Variants in MRI1 observed in about 807,000 individuals in gnomAD.
MRI1 encodes methylthioribose-1-phosphate isomerase.
Under a neutral mutation model 27.3 loss-of-function variants are expected in MRI1, and 32 were observed. The ratio of observed to expected loss-of-function variants is 1.17; its 90% CI spans 0.88 to 1.57. The LOEUF (loss-of-function observed/expected upper bound fraction) is 1.57. MRI1 is among the 40% of genes most tolerant of loss of function. The probability of loss-of-function intolerance (pLI) is 0.00; values close to 1 mark genes in which losing one functional copy is unlikely to be tolerated. For synonymous variants in MRI1, 216 were observed against 227.4 expected (o/e 0.95, Z 0.45); for missense variants, 508 against 516.1 (o/e 0.98, Z 0.15).
At chr19:13,766,670 C>A (rs143566250) in intron 3 of MRI1, among the ~76,000 whole-genome samples, 57 of 152,200 alleles carry the variant, frequency 3.7e-4, no homozygotes, top group African/African-American at 1.3e-3. Flanking sequence ...GGAAATTTCC[C>A]TACCTGCCTG....
At chr19:13,768,281 G>T in intron 3 of MRI1, 1 of 771,512 alleles carries the variant, frequency 1.3e-6, no homozygotes. Context: ...CAGAGAGCAG[G>T]AAACTGAAAG....
Position 13,772,416 on chromosome 19 carries a change from G to C in MRI1, c.*135G>C, listed in dbSNP as rs770091366. 6 of 805,906 alleles carry C rather than the reference G, an allele frequency of 7.4e-6. No homozygotes were observed. Among genetic ancestry groups the C allele is most frequent in the Non-Finnish European group, 1.1e-5 (6 of 526,968 alleles). 49.9% of individuals were successfully genotyped at this position (805,906 alleles called of 1,614,324 possible). ...GAGCTCAGACAGGGCCTTCCATCTA[G>C]AGCCCAGCACCTAGAGCCAGGCTGC... On this transcript the variant is annotated 3_prime_UTR_variant, in exon 6 of 6. Transcript: ENST00000040663.
At position 13,768,269 on chromosome 19, in the gene MRI1, G is replaced by GA; in HGVS notation, c.548-291dup. On this transcript the variant is annotated intron_variant, in intron 3 of 5. Transcript: ENST00000040663. ...GTGTTAGAAGGTGATAAATGCTAAG[G>GA]ACAGAGAGCAGGAAACTGAAAGTGT... The GA allele has an allele frequency of 4.0e-6, 3 of 746,510 alleles. No individual in the cohort carries two copies. In the South Asian group the frequency reaches 4.4e-5, roughly 11 times the overall value. The allele number at this position is 746,510 out of a possible 1,614,324, so 46.2% of individuals were successfully genotyped here.
At chr19:13,771,235 C>T (rs1176696642) in intron 5 of MRI1, among the ~76,000 whole-genome samples, 1 of 151,240 alleles carries the variant, frequency 6.6e-6, no homozygotes, top group Non-Finnish European at 1.5e-5. Context: ...GGCGAGGTGG[C>T]AGGCGCCTGT....
chr19:13,764,542 C>A lies in MRI1; in HGVS notation c.-47C>A. ...GCCCCGCCCCGCTCCCAAGTGCGCG[C>A]GGACCCCTAGCTCCCTCTGAGTTGC... is the stretch of plus-strand genomic sequence containing the variant. On this transcript the variant is annotated 5_prime_UTR_variant, in exon 1 of 6. Transcript: ENST00000040663. The A allele has an allele frequency of 6.3e-7, 1 of 1,591,186 alleles. No homozygotes were observed. The highest frequency in any genetic ancestry group is 1.3e-5 in the African/African-American group (1 of 74,352).
chr19:13,765,052 A>G lies in MRI1; in HGVS notation c.314A>G (p.Asp105Gly), dbSNP rs985489348. The G allele has an allele frequency of 3.3e-6, 5 of 1,523,362 alleles. No homozygotes were observed. The African/African-American group carries it at 4.2e-5, about 13-fold the overall frequency. The allele number at this position is 1,523,362 out of a possible 1,614,324, so 94.4% of individuals were successfully genotyped here. A position where few individuals can be genotyped will look rare whatever the true frequency, so the allele number is the denominator to read the frequency against. Residue 105 changes from aspartate (D) to glycine (G), a missense_variant, in exon 2 of 6, where the codon GAT becomes GGT. This residue lies in a region of MRI1 where 457 missense variants were observed against 452.8 expected (regional missense o/e 1.01). Transcript: ENST00000040663. ...GCCCGCGCCGCCCGCGACCTGGCTGATGTTGCAGCCCGGGAGGCCGAACGG... is the reference window on the plus strand; with the variant it reads ...GCCCGCGCCGCCCGCGACCTGGCTGGTGTTGCAGCCCGGGAGGCCGAACGG... ...NMARAARDLA[D>G]VAAREAEREG...
In MRI1 at chr19:13,764,612, CT is replaced by C; in HGVS notation, c.25del (p.Ser9ArgfsTer8). 2 of 1,609,750 alleles carry C rather than the reference CT, an allele frequency of 1.2e-6. No individual in the cohort carries two copies. Among genetic ancestry groups the C allele is most frequent in the Non-Finnish European group, 1.7e-6 (2 of 1,179,332 alleles). On this transcript the variant is annotated frameshift_variant, in exon 1 of 6. Transcript: ENST00000040663. LOFTEE classifies it high-confidence loss of function. MTLEAIRY[S>X]RGSLQILDQL... ...CCATGACCCTGGAGGCGATCCGCTA[CT>C]CGCGGGGCTCCCTGCAGATCCTAGA...
Position 13,765,036 on chromosome 19 carries a change from G to C in MRI1, c.298G>C (p.Ala100Pro), listed in dbSNP as rs1272931967. 2.0e-6 allele frequency: 3 copies of C among 1,524,696 alleles called. No individual in the cohort carries two copies. The highest frequency in any genetic ancestry group is 1.7e-4 in the Middle Eastern group (1 of 5,842). The allele number at this position is 1,524,696 out of a possible 1,614,324, so 94.4% of individuals were successfully genotyped here. A position where few individuals can be genotyped will look rare whatever the true frequency, so the allele number is the denominator to read the frequency against. Reference sequence around the variant, plus strand: ...CACCGCTGTCAACATGGCCCGCGCCGCCCGCGACCTGGCTGATGTTGCAGC... The same window carrying C: ...CACCGCTGTCAACATGGCCCGCGCCCCCCGCGACCTGGCTGATGTTGCAGC... ...RPTAVNMARA[A>P]RDLADVAARE... The change falls in exon 2 of 6, where the codon GCC (alanine) becomes CCC (proline). Residue 100 changes from alanine (A) to proline (P), a missense_variant. By Grantham distance (27) the Ala-to-Pro change is conservative. Around this residue, in one of 3 missense-constraint regions of MRI1, gnomAD observed 457 missense variants for 452.8 expected, o/e 1.01. Coordinates refer to ENST00000040663, the MANE Select transcript of MRI1 (RefSeq NM_001031727.4).
Position 13,768,973 on chromosome 19 carries a change from G to T in MRI1, c.874G>T (p.Gly292Cys). 6.2e-7 allele frequency: 1 copy of T among 1,614,056 alleles called. No homozygotes were observed. The highest frequency in any genetic ancestry group is 8.5e-7 in the Non-Finnish European group (1 of 1,179,990). The change falls in exon 5 of 6, where the codon GGC becomes TGC. Residue 292 changes from glycine (G) to cysteine (C), a missense_variant. Gly to Cys is a radical substitution (Grantham distance 159, BLOSUM62 -3). Transcript: ENST00000040663. Reference sequence around the variant, plus strand: ...TTCATGTGACCTCCGTCTGGAGACCGGCAAGGAGATCATTATTGAAGAGCG... The same window carrying T: ...TTCATGTGACCTCCGTCTGGAGACCTGCAAGGAGATCATTATTGAAGAGCG... ...SSSCDLRLET[G>C]KEIIIEERPG...
At chr19:13,765,908 G>C in intron 2 of MRI1, 46 bp from the exon 3 acceptor site, 1 of 1,546,504 alleles carries the variant, frequency 6.5e-7, no homozygotes, top group Non-Finnish European at 8.7e-7. Flanking sequence ...GTTGGCCTGG[G>C]CCCCGGGTCC....
At position 13,772,223 on chromosome 19, in the gene MRI1, C is replaced by G; in HGVS notation, c.1052C>G (p.Thr351Arg). The G allele has an allele frequency of 6.2e-7, 1 of 1,614,162 alleles. No individual in the cohort carries two copies. Among genetic ancestry groups the G allele is most frequent in the Non-Finnish European group, 8.5e-7 (1 of 1,180,004 alleles). Residue 351 changes from threonine (T) to arginine (R), a missense_variant, in exon 6 of 6, where the codon ACA (threonine) becomes AGA (arginine). Transcript: ENST00000040663. ...LGVFAPEELR[T>R]ALTTTISSRD... Reference sequence around the variant, plus strand: ...GTCTTTGCCCCTGAGGAGCTCCGGACAGCCCTAACCACCACCATCTCTTCC... The same window carrying G: ...GTCTTTGCCCCTGAGGAGCTCCGGAGAGCCCTAACCACCACCATCTCTTCC...
In MRI1 at chr19:13,764,971, T is replaced by G. The variant is rs186809439; in HGVS notation, c.233T>G (p.Phe78Cys). 3.0e-5 allele frequency: 46 copies of G among 1,517,464 alleles called. No homozygotes were observed. The African/African-American group carries it at 5.0e-4, about 16-fold the overall frequency. The allele number at this position is 1,517,464 out of a possible 1,614,324, so 94.0% of individuals were successfully genotyped here. A position where few individuals can be genotyped will look rare whatever the true frequency, so the allele number is the denominator to read the frequency against. The change falls in exon 2 of 6, where the codon TTC becomes TGC. Residue 78 changes from phenylalanine (F) to cysteine (C), a missense_variant. By Grantham distance (205) the Phe-to-Cys change is radical. Around this residue, in one of 3 missense-constraint regions of MRI1, gnomAD observed 457 missense variants for 452.8 expected, o/e 1.01. Transcript: ENST00000040663. ...CCGGGACTCGCCGCGCTCGTGGCCT[T>G]CGTGCGCGACAAGCTGAGCTTCCTC... The part of the protein sequence containing the change: ...GGPGLAALVA[F>C]VRDKLSFLVT...
intron 5 of MRI1, among the ~76,000 whole-genome samples, chr19:13,771,485 C>T (rs139934901): frequency 7.6e-4 from 116 of 152,176 alleles, no homozygotes; most frequent in African/African-American, 2.7e-3. Flanking sequence ...GAGCCAAGAT[C>T]GCACCACTGT....
At chr19:13,767,035 ATATTTTTTTTTTTTTTT>A (rs1439306062) in intron 3 of MRI1, among the ~76,000 whole-genome samples, 3 of 18,516 alleles carry the variant, frequency 1.6e-4, no homozygotes, top group African/African-American at 8.8e-4. Flanking sequence ...ATATATATAT[ATATTTTTTTTTTTTTTT>A]TTTTTTTTTT....
chr19:13,768,317 TATATC>T (rs1453308784), intron 3 of MRI1: 2 of 961,146 alleles, frequency 2.1e-6, no homozygotes, highest in South Asian at 2.8e-5. Context: ...GCAAAACTGA[TATATC>T]AGGGAAGGCT....
intron 5 of MRI1, 77 bp downstream of exon 5, chr19:13,769,125 C>A: frequency 8.0e-7 from 1 of 1,245,436 alleles, no homozygotes; most frequent in South Asian, 1.4e-5. Context: ...AGGTCCTTGT[C>A]ATCCTTCTGG....
rs755518072 is a variant in MRI1 at position 13,764,892 on chromosome 19, G to T, written c.154G>T (p.Ala52Ser). Residue 52 changes from alanine to serine, a missense_variant, in exon 2 of 6, where the codon GCC becomes TCC. This residue lies in a region of MRI1 where 457 missense variants were observed against 452.8 expected (regional missense o/e 1.01). Coordinates refer to ENST00000040663, the MANE Select transcript of MRI1 (RefSeq NM_001031727.4). ...AMKVRGAPAI[A>S]LVGCLSLAVE... ...GCAGGTGCGGGGCGCCCCGGCCATA[G>T]CCCTGGTGGGCTGTCTCAGCCTCGC... 3.4e-5 allele frequency: 49 copies of T among 1,430,974 alleles called. No homozygotes were observed. The highest frequency in any genetic ancestry group is 4.1e-5 in the Non-Finnish European group (45 of 1,096,398). The allele number at this position is 1,430,974 out of a possible 1,614,324, so 88.6% of individuals were successfully genotyped here. A position where few individuals can be genotyped will look rare whatever the true frequency, so the allele number is the denominator to read the frequency against.
At chr19:13,766,204 C>G (rs1477472405) in intron 3 of MRI1, 75 bp downstream of exon 3, 2 of 1,369,758 alleles carry the variant, frequency 1.5e-6, no homozygotes, top group Non-Finnish European at 1.9e-6. Flanking sequence ...GAATCCCAAA[C>G]CCAAACCACT....
At position 13,764,536 on chromosome 19, in the gene MRI1, T is replaced by C. The variant is rs1190598922; in HGVS notation, c.-53T>C. On this transcript the variant is annotated 5_prime_UTR_variant, in exon 1 of 6. Transcript: ENST00000040663. ...CCCACGGCCCCGCCCCGCTCCCAAG[T>C]GCGCGCGGACCCCTAGCTCCCTCTG... 2.5e-6 allele frequency: 4 copies of C among 1,587,660 alleles called. No homozygotes were observed. The African/African-American group carries it at 5.4e-5, about 21-fold the overall frequency.
Sources: gnomAD v4.1 joint callset for allele counts (sites outside exome capture counted in the v4.1 genomes callset) on GRCh38, gnomAD v4.1.1 for gene constraint, gnomAD v4.1.1 regional missense constraint, MANE v1.5 for transcripts, NCBI Gene and HGNC (gene_info 2026-07-23, HGNC 2026-07-21) for gene names.